The following PCYT1B variants were observed in gnomAD, a reference collection of about 807,000 sequenced individuals.
PCYT1B encodes the protein phosphate cytidylyltransferase 1B, choline.
A neutral mutation model predicts 26.4 loss-of-function variants in PCYT1B; 10 were observed. That is an observed-to-expected ratio of 0.38 (90% CI 0.23 to 0.64). PCYT1B has a LOEUF of 0.64. Among genes scored for constraint, PCYT1B ranks in the 30% least tolerant of loss-of-function variants. PCYT1B has a pLI of 0.56. For synonymous variants in PCYT1B, 131 were observed against 108.4 expected, an observed-to-expected ratio of 1.21 and a Z score of -1.29; for missense variants, 161 against 292.7, an observed-to-expected ratio of 0.55 and a Z score of 3.28.
chrX:24,582,026 A>G (rs1389112103), intron 5 of PCYT1B, among the ~76,000 whole-genome samples: 1 of 112,445 alleles, frequency 8.9e-6, no homozygotes, highest in East Asian at 2.8e-4. Context: ...ACGGAAAACC[A>G]AATGGAAGGC....
chrX:24,574,865 A>G (rs1217787431), intron 7 of PCYT1B, among the ~76,000 whole-genome samples: 1 of 112,244 alleles, frequency 8.9e-6, no homozygotes, highest in Non-Finnish European at 1.9e-5. Flanking sequence ...GAGACACTCA[A>G]GTGATCACCA....
chrX:24,619,012 T>C lies in PCYT1B; in HGVS notation c.190A>G (p.Ile64Val), dbSNP rs1925613724. Residue 64 changes from isoleucine (I) to valine (V), a missense_variant, in exon 2 of 8, where the codon ATT becomes GTT. Coordinates refer to ENST00000379144, the MANE Select transcript of PCYT1B (RefSeq NM_004845.5). ...QCQAPHEKLT[I>V]AQARLGTPAD... is the part of the protein sequence containing the mutation. Reference sequence around the variant, plus strand: ...GGTGTTCCTAAGCGGGCCTGAGCAATGGTCAGTTTTTCATGGGGTGCTTGA... The same window carrying C: ...GGTGTTCCTAAGCGGGCCTGAGCAACGGTCAGTTTTTCATGGGGTGCTTGA... 1.7e-6 allele frequency: 2 copies of C among 1,165,895 alleles called. No homozygotes were observed. The highest frequency in any genetic ancestry group is 2.3e-6 in the Non-Finnish European group (2 of 868,633).
intron 1 of PCYT1B, among the ~76,000 whole-genome samples, chrX:24,642,056 C>A (rs756935299): frequency 1.8e-5 from 2 of 113,112 alleles, no homozygotes; most frequent in Non-Finnish European, 3.7e-5. Flanking sequence ...TAAAAAATAG[C>A]TTTTAAGAAA....
intron 2 of PCYT1B, among the ~76,000 whole-genome samples, chrX:24,611,625 G>A: frequency 9.0e-6 from 1 of 111,427 alleles, no homozygotes; most frequent in Non-Finnish European, 1.9e-5. Context: ...CTTCTAATCA[G>A]TAGAATATGG....
chrX:24,597,111 C>CTTTTCTT (rs1220674900), intron 3 of PCYT1B, among the ~76,000 whole-genome samples: 1 of 109,898 alleles, frequency 9.1e-6, no homozygotes, highest in African/African-American at 3.3e-5. Context: ...CACACACAGA[C>CTTTTCTT]TTTTCTTTTT....
intron 1 of PCYT1B, among the ~76,000 whole-genome samples, chrX:24,642,783 G>A (rs1926506573): frequency 9.0e-6 from 1 of 111,712 alleles, no homozygotes; most frequent in African/African-American, 3.2e-5. Flanking sequence ...TGTTCTGGGT[G>A]GCTAAGTAGA....
In PCYT1B at chrX:24,629,943, T is replaced by G. The variant is rs141486999; in HGVS notation, c.118-10859A>C. 4.5e-5 allele frequency among the ~76,000 whole-genome samples: 5 copies of G among 111,932 alleles called. No individual in the cohort carries two copies. The East Asian group carries it at 1.4e-3, about 31-fold the overall frequency. On this transcript the variant is annotated intron_variant, in intron 1 of 7. Transcript: ENST00000379144. ...TCTGAGAGTAGGAGGGATCTTACAA[T>G]AGATATTATCTTAAAATCAGTGTTG...
In PCYT1B at chrX:24,625,467, G is replaced by C. The variant is rs745641496; in HGVS notation, c.118-6383C>G. Among the ~76,000 whole-genome samples the C allele has an allele frequency of 2.7e-5, 3 of 110,325 alleles. No individual in the cohort carries two copies. In the South Asian group the frequency reaches 1.2e-3, roughly 44 times the overall value. Reference sequence around the variant, plus strand: ...CTTAGACTGTGTCACTGATTATGTAGACTCTTAAATCAGGCAGCTGGTGCA... The same window carrying C: ...CTTAGACTGTGTCACTGATTATGTACACTCTTAAATCAGGCAGCTGGTGCA... On this transcript the variant is annotated intron_variant, in intron 1 of 7. Coordinates refer to ENST00000379144, the MANE Select transcript of PCYT1B (RefSeq NM_004845.5).
At chrX:24,583,004 T>C (rs946727516) in intron 5 of PCYT1B, among the ~76,000 whole-genome samples, 2 of 111,924 alleles carry the variant, frequency 1.8e-5, no homozygotes, top group South Asian at 7.4e-4. Flanking sequence ...TCTTAGCCTG[T>C]GCTACTAGGG....
At position 24,561,308 on chromosome X, in the gene PCYT1B, G is replaced by A. The variant is rs995243296; in HGVS notation, c.*985C>T. ...GGATACACCCGGGGATGACATATTG[G>A]AGCATATATAGAACAGATACGTGCA... On this transcript the variant is annotated 3_prime_UTR_variant, in exon 8 of 8. Transcript: ENST00000379144. 3 of 111,785 alleles carry A rather than the reference G, an allele frequency of 2.7e-5. No individual in the cohort carries two copies. The highest frequency in any genetic ancestry group is 5.6e-5 in the Non-Finnish European group (3 of 53,132). The allele number at this position is 111,785 out of a possible 1,213,427, so 9.2% of individuals were successfully genotyped here. A position where few individuals can be genotyped will look rare whatever the true frequency, so the allele number is the denominator to read the frequency against.
At chrX:24,637,479 T>TAAAAAAAAAAA (rs1201643219) in intron 1 of PCYT1B, among the ~76,000 whole-genome samples, 3 of 59,491 alleles carry the variant, frequency 5.0e-5, no homozygotes, top group African/African-American at 3.4e-4. Flanking sequence ...CCATCTCTAC[T>TAAAAAAAAAAA]AAAAAAAAAA....
chrX:24,642,297 A>AG (rs1056650576), intron 1 of PCYT1B, among the ~76,000 whole-genome samples: 18 of 112,225 alleles, frequency 1.6e-4, no homozygotes, highest in African/African-American at 5.5e-4. Context: ...AGGGGATGGT[A>AG]GGGGTTGGTA....
At chrX:24,578,638 C>G (rs776988743) in intron 6 of PCYT1B, among the ~76,000 whole-genome samples, 52 of 112,110 alleles carry the variant, frequency 4.6e-4, no homozygotes, top group African/African-American at 1.7e-3. Flanking sequence ...TAATGAGCAT[C>G]TGTAAGGCCT....
intron 2 of PCYT1B, among the ~76,000 whole-genome samples, chrX:24,608,710 G>A (rs758256230): frequency 9.0e-6 from 1 of 111,583 alleles, no homozygotes; most frequent in Non-Finnish European, 1.9e-5. Flanking sequence ...GCACCTCCAG[G>A]AACCAGGAGA....
intron 1 of PCYT1B, among the ~76,000 whole-genome samples, chrX:24,634,019 G>A (rs888049343): frequency 1.8e-5 from 2 of 111,045 alleles, no homozygotes; most frequent in Admixed American, 1.9e-4. Context: ...CAACTCCTAA[G>A]TACAAGCGAT....
chrX:24,652,654 A>T (rs1466873948), intron 1 of PCYT1B, among the ~76,000 whole-genome samples: 1 of 111,606 alleles, frequency 9.0e-6, no homozygotes, highest in African/African-American at 3.3e-5. Flanking sequence ...ACACCCAATC[A>T]GATAGGTATA....
chrX:24,672,869 CTGT>C (rs1213715990), upstream of PCYT1B, among the ~76,000 whole-genome samples: 1 of 111,998 alleles, frequency 8.9e-6, no homozygotes, highest in Non-Finnish European at 1.9e-5. Context: ...CCCCTCTGGG[CTGT>C]TGTTCATTGA....
At chrX:24,591,805 G>A (rs774070430) in intron 3 of PCYT1B, among the ~76,000 whole-genome samples, 1 of 111,530 alleles carries the variant, frequency 9.0e-6, no homozygotes, top group Non-Finnish European at 1.9e-5. Flanking sequence ...ATATTTATGG[G>A]GTAGAGGGTG....
At chrX:24,671,138 T>G (rs1875400609) in intron 1 of PCYT1B, among the ~76,000 whole-genome samples, 1 of 110,415 alleles carries the variant, frequency 9.1e-6, no homozygotes, top group African/African-American at 3.3e-5. Context: ...TGGCTAATTT[T>G]TTTGTATTTT....
Sources: gnomAD v4.1 joint callset for allele counts (sites outside exome capture counted in the v4.1 genomes callset) on GRCh38, gnomAD v4.1.1 for gene constraint, MANE v1.5 for transcripts, NCBI Gene and HGNC (gene_info 2026-07-23, HGNC 2026-07-21) for gene names.